KERA: variants seen among roughly 807,000 people sequenced by gnomAD.
The protein encoded by KERA is keratocan.
Under a neutral mutation model 26.4 loss-of-function variants are expected in KERA, and 25 were observed. The observed-to-expected ratio is 0.95, with a 90% CI of 0.69 to 1.32. KERA has a LOEUF of 1.32. Ranked by LOEUF, KERA falls within the 40% of genes most tolerant of loss-of-function variation. The pLI is 0.00. For missense variants in KERA, 434 were observed against 408.9 expected, an observed-to-expected ratio of 1.06 and a Z score of -0.53; for synonymous variants, 167 against 146.1, an observed-to-expected ratio of 1.14 and a Z score of -1.03.
intron 2 of KERA, among the ~76,000 whole-genome samples, chr12:91,052,325 G>C (rs1042077160): frequency 6.6e-6 from 1 of 151,430 alleles, no homozygotes; most frequent in Non-Finnish European, 1.5e-5. Flanking sequence ...AGGGTACTCT[G>C]TAACAGCTGA....
At chr12:91,052,432 G>C (rs1878891316) in intron 2 of KERA, among the ~76,000 whole-genome samples, 1 of 151,568 alleles carries the variant, frequency 6.6e-6, no homozygotes, top group Non-Finnish European at 1.5e-5. Context: ...CTTGGGCAAT[G>C]CCCCTCCTCT....
Position 91,055,461 on chromosome 12 carries a change from A to T in KERA, c.821T>A (p.Leu274His). ...ILDLQLSHNQ[L>H]TKVPRISAHL... is the part of the protein sequence containing the mutation. ...AGCACTGATTCGGGGAACCTTTGTG[A>T]GTTGATTGTGCGACAGTTGAAGATC... Residue 274 changes from leucine to histidine, a missense_variant, in exon 2 of 3, where the codon CTC becomes CAC. Leu to His is a moderately conservative substitution (Grantham distance 99, BLOSUM62 -3). Coordinates refer to ENST00000266719, the MANE Select transcript of KERA (RefSeq NM_007035.4). The T allele has an allele frequency of 6.2e-7, 1 of 1,610,348 alleles. No homozygotes were observed. The highest frequency in any genetic ancestry group is 8.5e-7 in the Non-Finnish European group (1 of 1,177,662).
At position 91,056,267 on chromosome 12, in the gene KERA, G is replaced by A; in HGVS notation, c.15C>T (p.Ile5=). 1 of 1,608,938 alleles carries A rather than the reference G, an allele frequency of 6.2e-7. No individual in the cohort carries two copies. Among genetic ancestry groups the A allele is most frequent in the Non-Finnish European group, 8.5e-7 (1 of 1,177,060 alleles). The change falls in exon 2 of 3, where the codon ATC becomes ATT. Residue 5 remains isoleucine (I), a synonymous_variant. Transcript: ENST00000266719. The stretch of plus-strand genomic sequence containing the variant: ...TGAATAACACCCACATGATGAAACA[G>A]ATTGTGCCTGCCATTATAGCACCTA... MAGT[I]CFIMWVLFIT...
chr12:91,055,744 C>T lies in KERA; in HGVS notation c.538G>A (p.Asp180Asn), dbSNP rs1239260517. The change falls in exon 2 of 3, where the codon GAC becomes AAC. Residue 180 changes from aspartate (D) to asparagine (N), a missense_variant. Coordinates refer to ENST00000266719, the MANE Select transcript of KERA (RefSeq NM_007035.4). ...AAAGTGTCTCTTTGAAAGGCATTGT[C>T]CACTAATTTGTTGTTCTGTAGGTCA... ...LLDLQNNKLV[D>N]NAFQRDTFKG... is the part of the protein sequence containing the mutation. The T allele has an allele frequency of 1.2e-6, 2 of 1,611,398 alleles. No individual in the cohort carries two copies. Among genetic ancestry groups the T allele is most frequent in the Non-Finnish European group, 1.7e-6 (2 of 1,178,232 alleles).
At position 91,055,693 on chromosome 12, in the gene KERA, G is replaced by C. The variant is rs770168873; in HGVS notation, c.589C>G (p.Leu197Val). Residue 197 changes from leucine to valine, a missense_variant, in exon 2 of 3, where the codon CTA becomes GTA. Leu to Val is a conservative substitution (Grantham distance 32, BLOSUM62 1). Transcript: ENST00000266719. ...CTCAGGGCATTCTTGGCCATGTTTA[G>C]CTGCATGAGATTCTTGAGTCCTTTA... ...TFKGLKNLMQ[L>V]NMAKNALRNM... The C allele has an allele frequency of 3.1e-6, 5 of 1,611,406 alleles. No individual in the cohort carries two copies. The East Asian group carries it at 8.9e-5, about 29-fold the overall frequency.
intron 2 of KERA, among the ~76,000 whole-genome samples, chr12:91,051,854 G>T (rs1878875779): frequency 6.6e-6 from 1 of 151,532 alleles, no homozygotes; most frequent in Non-Finnish European, 1.5e-5. Context: ...CATTTAGATT[G>T]CTGTAGGTAG....
chr12:91,055,924 G>A lies in KERA; in HGVS notation c.358C>T (p.Leu120=), dbSNP rs769519108. The part of the protein sequence containing the change: ...YGIEKGALSQ[L]KKLLFLFLED... ...AGAAATAAGAAGAGCAACTTCTTCA[G>A]CTGGCTTAGGGCTCCTTTTTCAATT... The change falls in exon 2 of 3, where the codon CTG becomes TTG. Residue 120 remains leucine (L), a synonymous_variant. Coordinates refer to ENST00000266719, the MANE Select transcript of KERA (RefSeq NM_007035.4). 6.2e-7 allele frequency: 1 copy of A among 1,611,130 alleles called. No individual in the cohort carries two copies. Among genetic ancestry groups the A allele is most frequent in the Admixed American group, 1.7e-5 (1 of 59,716 alleles).
chr12:91,050,942 G>T lies in KERA; in HGVS notation c.*404C>A. Reference sequence around the variant, plus strand: ...TATTTTATTTTCTCATTTTCTTCAGGTCGTTATCCTCCTGTTTGATTATTA... The same window carrying T: ...TATTTTATTTTCTCATTTTCTTCAGTTCGTTATCCTCCTGTTTGATTATTA... On this transcript the variant is annotated 3_prime_UTR_variant, in exon 3 of 3. Coordinates refer to ENST00000266719, the MANE Select transcript of KERA (RefSeq NM_007035.4). The T allele has an allele frequency of 5.9e-6, 1 of 168,090 alleles. No individual in the cohort carries two copies. The highest frequency in any genetic ancestry group is 1.4e-4 in the South Asian group (1 of 7,022). 10.4% of individuals were successfully genotyped at this position (168,090 alleles called of 1,614,324 possible).
intron 2 of KERA, 126 bp downstream of exon 2, chr12:91,055,270 A>T (rs549664120): frequency 1.2e-6 from 1 of 853,688 alleles, no homozygotes; most frequent in African/African-American, 1.7e-5. Context: ...AATTGAAAAC[A>T]CACTAAAAAT....
At chr12:91,052,940 G>C (rs1431692260) in intron 2 of KERA, among the ~76,000 whole-genome samples, 1 of 151,234 alleles carries the variant, frequency 6.6e-6, no homozygotes, top group African/African-American at 2.4e-5. Context: ...TGTTTCTCAG[G>C]GAACACCAGA....
chr12:91,055,468 T>C lies in KERA; in HGVS notation c.814A>G (p.Asn272Asp). 6.2e-7 allele frequency: 1 copy of C among 1,610,326 alleles called. No individual in the cohort carries two copies. The highest frequency in any genetic ancestry group is 8.5e-7 in the Non-Finnish European group (1 of 1,177,678). Residue 272 changes from asparagine (N) to aspartate (D), a missense_variant, in exon 2 of 3, where the codon AAT becomes GAT. By Grantham distance (23) the Asn-to-Asp change is conservative. Coordinates refer to ENST00000266719, the MANE Select transcript of KERA (RefSeq NM_007035.4). ...SSILDLQLSH[N>D]QLTKVPRISA... ...ATTCGGGGAACCTTTGTGAGTTGAT[T>C]GTGCGACAGTTGAAGATCTAGAATT...
At chr12:91,054,621 A>T (rs1878944569) in intron 2 of KERA, among the ~76,000 whole-genome samples, 1 of 151,294 alleles carries the variant, frequency 6.6e-6, no homozygotes, top group South Asian at 2.1e-4. Context: ...GCCTCCAAAA[A>T]CTTTGAATTC....
intron 2 of KERA, 60 bp from the exon 3 acceptor site, chr12:91,051,578 AG>A (rs1213889393): frequency 7.7e-6 from 10 of 1,296,012 alleles, no homozygotes; most frequent in Non-Finnish European, 1.1e-5. Context: ...AACAGTGGGA[AG>A]ACCAAAAAAC....
intron 1 of KERA, 52 bp downstream of exon 1, chr12:91,057,692 A>C (rs1260537916): frequency 6.6e-6 from 1 of 150,826 alleles, no homozygotes; most frequent in Admixed American, 6.6e-5. Context: ...CTGTTGAATA[A>C]GTACTTTGCA....
intron 1 of KERA, among the ~76,000 whole-genome samples, chr12:91,057,271 C>T (rs1028241921): frequency 6.7e-6 from 1 of 149,672 alleles, no homozygotes; most frequent in Non-Finnish European, 1.5e-5. Flanking sequence ...CACATAAACC[C>T]TCCCCACTGA....
chr12:91,055,936 C>A lies in KERA; in HGVS notation c.346G>T (p.Ala116Ser), dbSNP rs369595724. The stretch of plus-strand genomic sequence containing the variant: ...AGCAACTTCTTCAGCTGGCTTAGGG[C>A]TCCTTTTTCAATTCCGTAGTTGGTT... ...KITNYGIEKG[A>S]LSQLKKLLFL... The change falls in exon 2 of 3, where the codon GCC becomes TCC. Residue 116 changes from alanine (A) to serine (S), a missense_variant. Ala to Ser is a moderately conservative substitution (Grantham distance 99, BLOSUM62 1). Transcript: ENST00000266719. 4 of 1,611,142 alleles carry A rather than the reference C, an allele frequency of 2.5e-6. No homozygotes were observed. The highest frequency in any genetic ancestry group is 1.7e-5 in the Admixed American group (1 of 59,724).
At chr12:91,054,798 AC>A (rs1480213143) in intron 2 of KERA, among the ~76,000 whole-genome samples, 13 of 151,228 alleles carry the variant, frequency 8.6e-5, no homozygotes, top group African/African-American at 2.9e-4. Flanking sequence ...AGTTCCCAGA[AC>A]ATCAACTGGA....
chr12:91,052,637 A>G (rs751027449), intron 2 of KERA, among the ~76,000 whole-genome samples: 8 of 151,494 alleles, frequency 5.3e-5, no homozygotes, highest in Non-Finnish European at 7.4e-5. Flanking sequence ...TGATCATCTC[A>G]CAGGCTTTAT....
chr12:91,051,602 C>T (rs1878870029), intron 2 of KERA, 84 bp from the exon 3 acceptor site: 2 of 955,384 alleles, frequency 2.1e-6, no homozygotes, highest in Admixed American at 1.8e-5. Context: ...ATGCCATGGT[C>T]CTATGGAGGG....
Sources: allele counts gnomAD v4.1 joint callset (sites outside exome capture counted in the v4.1 genomes callset), GRCh38; gene constraint gnomAD v4.1.1; transcripts MANE v1.5; gene names NCBI Gene and HGNC (gene_info 2026-07-23, HGNC 2026-07-21).